Variants in NRG1 observed in about 807,000 individuals in gnomAD.
The protein encoded by NRG1 is neuregulin 1, also known as pro-neuregulin-1, membrane-bound isoform.
NRG1 carries 18 observed loss-of-function variants against 63.8 expected under a neutral mutation model. That is an observed-to-expected ratio of 0.28 (90% CI 0.19 to 0.42). The LOEUF (loss-of-function observed/expected upper bound fraction) is 0.42, where lower values mean the gene tolerates loss of function less well. NRG1 is among the 10% of genes least tolerant of loss of function. The pLI is 1.00. For missense variants in NRG1, 762 were observed against 814.7 expected (o/e 0.94, Z 0.79); for synonymous variants, 302 against 301.3 (o/e 1.00, Z -0.02).
chr8:32,140,471 T>A (rs1490202140), intron 1 of NRG1, among the ~76,000 whole-genome samples: 1 of 151,958 alleles, frequency 6.6e-6, no homozygotes, highest in Non-Finnish European at 1.5e-5. Context: ...TCTTTCTTTT[T>A]TTTTTTTCTG....
chr8:32,596,104 T>C (rs1843313790), intron 2 of NRG1, 99 bp downstream of exon 2: 2 of 918,414 alleles, frequency 2.2e-6, no homozygotes, highest in East Asian at 5.3e-5. Flanking sequence ...ATCAGAAACA[T>C]AATAGATAAT....
chr8:32,766,976 T>G (rs1484093438), exon 12 of NRG1: 1 of 152,194 alleles, frequency 6.6e-6, no homozygotes, highest in Non-Finnish European at 1.5e-5. Context: ...AAAGCTATCT[T>G]AGGTTTTAAG....
chr8:31,813,454 A>G (rs928528579), intron 1 of NRG1, among the ~76,000 whole-genome samples: 1 of 150,068 alleles, frequency 6.7e-6, no homozygotes, highest in Admixed American at 6.6e-5. Context: ...CTGATGAGAA[A>G]GTTGCTGTCA....
At chr8:32,589,829 T>A (rs1410650435) in intron 1 of NRG1, among the ~76,000 whole-genome samples, 1 of 151,902 alleles carries the variant, frequency 6.6e-6, no homozygotes, top group African/African-American at 2.4e-5. Flanking sequence ...AATGAGGTTG[T>A]TTTTTTGGAA....
At chr8:32,166,057 T>C (rs1336764430) in intron 1 of NRG1, among the ~76,000 whole-genome samples, 1 of 152,132 alleles carries the variant, frequency 6.6e-6, no homozygotes. Flanking sequence ...TATTAAGACA[T>C]TTACTTGGAA....
chr8:32,181,682 AC>A (rs1248442349), intron 1 of NRG1, among the ~76,000 whole-genome samples: 1 of 152,238 alleles, frequency 6.6e-6, no homozygotes, highest in East Asian at 1.9e-4. Context: ...CCTGGTGCAC[AC>A]TTAATCTCTC....
At chr8:32,246,950 G>A (rs1848643203) in intron 1 of NRG1, among the ~76,000 whole-genome samples, 1 of 151,968 alleles carries the variant, frequency 6.6e-6, no homozygotes, top group Non-Finnish European at 1.5e-5. Flanking sequence ...AAATTGGGAA[G>A]AGTAAATTTC....
intron 1 of NRG1, among the ~76,000 whole-genome samples, chr8:32,096,315 A>G (rs75674450): frequency 0.018 from 2,733 of 152,342 alleles, 82 homozygotes; most frequent in African/African-American, 0.061. Flanking sequence ...CATAATAACT[A>G]TACATATTTA....
At chr8:32,042,547 T>G (rs1457869756) in intron 1 of NRG1, among the ~76,000 whole-genome samples, 1 of 152,108 alleles carries the variant, frequency 6.6e-6, no homozygotes, top group East Asian at 1.9e-4. Context: ...AAATTTCAAC[T>G]TGCATGGGAA....
At chr8:31,846,573 T>C (rs1826708445) in intron 1 of NRG1, among the ~76,000 whole-genome samples, 1 of 152,176 alleles carries the variant, frequency 6.6e-6, no homozygotes, top group African/African-American at 2.4e-5. Flanking sequence ...TGGATGCCAG[T>C]TTTGGACTGT....
intron 1 of NRG1, among the ~76,000 whole-genome samples, chr8:31,738,886 C>T (rs1453351240): frequency 6.6e-6 from 1 of 152,050 alleles, no homozygotes; most frequent in African/African-American, 2.4e-5. Context: ...AAGGGTCTAA[C>T]CTACTCCATT....
chr8:31,887,742 T>C (rs1830833256), intron 1 of NRG1, among the ~76,000 whole-genome samples: 1 of 151,996 alleles, frequency 6.6e-6, no homozygotes, highest in Non-Finnish European at 1.5e-5. Flanking sequence ...GTCAAATATA[T>C]GAGAGATTGT....
intron 1 of NRG1, among the ~76,000 whole-genome samples, chr8:31,923,719 T>C (rs1327724627): frequency 6.6e-6 from 1 of 152,112 alleles, no homozygotes; most frequent in African/African-American, 2.4e-5. Flanking sequence ...GTTATTATTT[T>C]TTGTATATGT....
intron 1 of NRG1, among the ~76,000 whole-genome samples, chr8:31,713,026 C>G (rs190762888): frequency 6.6e-6 from 1 of 150,678 alleles, no homozygotes; most frequent in African/African-American, 2.5e-5. Flanking sequence ...TCCATCCATC[C>G]TTCTTTCTTT....
At chr8:32,158,601 A>G (rs540794875) in intron 1 of NRG1, among the ~76,000 whole-genome samples, 13 of 151,386 alleles carry the variant, frequency 8.6e-5, no homozygotes, top group Non-Finnish European at 1.5e-4. Flanking sequence ...TGGCCAAGAG[A>G]TAAGAAAATA....
chr8:32,235,972 T>G (rs1021812026), intron 1 of NRG1, among the ~76,000 whole-genome samples: 2 of 152,172 alleles, frequency 1.3e-5, no homozygotes, highest in African/African-American at 4.8e-5. Context: ...TCAGAACTGT[T>G]CAACTTCCAA....
chr8:32,201,686 C>A (rs932885919), intron 1 of NRG1, among the ~76,000 whole-genome samples: 10 of 152,140 alleles, frequency 6.6e-5, no homozygotes, highest in Non-Finnish European at 1.2e-4. Context: ...AAATAACTGA[C>A]TTATCAAGTT....
chr8:32,414,441 C>A (rs1815572173), intron 1 of NRG1, among the ~76,000 whole-genome samples: 1 of 152,166 alleles, frequency 6.6e-6, no homozygotes, highest in South Asian at 2.1e-4. Flanking sequence ...ATCCTAAACA[C>A]TAATTTTGCA....
At position 32,227,513 on chromosome 8, in the gene NRG1, G is replaced by A. The variant is rs11986306; in HGVS notation, c.38-368315G>A. On this transcript the variant is annotated intron_variant, in intron 1 of 10. Transcript: ENST00000519301. ...CCCAAACTGCACAGGAAAGTTAGAG[G>A]TAAACTGTTAAAGTCTTTGAGAACT... is the stretch of plus-strand genomic sequence containing the variant. Among the ~76,000 whole-genome samples the A allele has an allele frequency of 7.2e-3, 1,092 of 152,232 alleles. 16 individuals are homozygous for A. Among genetic ancestry groups the A allele is most frequent in the African/African-American group, 0.025 (1,051 of 41,516 alleles).
Sources: gnomAD v4.1 joint callset for allele counts (sites outside exome capture counted in the v4.1 genomes callset) on GRCh38, gnomAD v4.1.1 for gene constraint, MANE v1.5 for transcripts, NCBI Gene and HGNC (gene_info 2026-07-23, HGNC 2026-07-21) for gene names.